TMEM17: variants seen among roughly 807,000 people sequenced by gnomAD.
TMEM17 encodes transmembrane protein 17.
A neutral mutation model predicts 19.1 loss-of-function variants in TMEM17; 15 were observed. That is an observed-to-expected ratio of 0.78 (90% CI 0.52 to 1.21). TMEM17 has a LOEUF of 1.21. Among genes scored for constraint, TMEM17 ranks in the 50% most tolerant of loss-of-function variants. TMEM17 has a pLI of 0.00. For synonymous variants in TMEM17, 103 were observed against 86.9 expected (o/e 1.19, Z -1.03); for missense variants, 245 against 242.3 (o/e 1.01, Z -0.07).
At chr2:62,473,221 A>G in the TMEM17 span, among the ~76,000 whole-genome samples, 1 of 152,312 alleles carries the variant, frequency 6.6e-6, no homozygotes, top group African/African-American at 2.4e-5. Flanking sequence ...AATACCAGTG[A>G]AGTAGGTACT....
the TMEM17 span, among the ~76,000 whole-genome samples, chr2:62,465,342 A>T: frequency 6.6e-6 from 1 of 152,238 alleles, no homozygotes; most frequent in Non-Finnish European, 1.5e-5. Flanking sequence ...GTATTGTACC[A>T]ATATTAATTT....
chr2:62,454,008 T>C, the TMEM17 span, among the ~76,000 whole-genome samples: 1 of 152,252 alleles, frequency 6.6e-6, no homozygotes, highest in African/African-American at 2.4e-5. Flanking sequence ...GTGCCAGGCA[T>C]GGGCCTGTTT....
the TMEM17 span, among the ~76,000 whole-genome samples, chr2:62,454,227 G>A: frequency 6.6e-6 from 1 of 152,220 alleles, no homozygotes; most frequent in Admixed American, 6.5e-5. Context: ...ATGGGATGAG[G>A]TGCAGGACCC....
chr2:62,477,053 G>T, the TMEM17 span, among the ~76,000 whole-genome samples: 1 of 152,142 alleles, frequency 6.6e-6, no homozygotes, highest in Admixed American at 6.5e-5. Flanking sequence ...TCAACATACG[G>T]TGTGTTATTG....
At chr2:62,475,803 TA>T in the TMEM17 span, among the ~76,000 whole-genome samples, 49 of 152,278 alleles carry the variant, frequency 3.2e-4, no homozygotes, top group East Asian at 9.3e-3. Flanking sequence ...AGCCACTGAT[TA>T]AATCAGGAAC....
At chr2:62,458,870 A>G in the TMEM17 span, among the ~76,000 whole-genome samples, 1 of 152,218 alleles carries the variant, frequency 6.6e-6, no homozygotes, top group African/African-American at 2.4e-5. Context: ...GTCCCTCGTG[A>G]TGCCAAGATG....
At position 62,501,463 on chromosome 2, in the gene TMEM17, G is replaced by C. The variant is rs1262816682; in HGVS notation, c.343C>G (p.Leu115Val). ...GGTAACTGCAATAGAAGGCTCAAAA[G>C]CCAAAAGCCAGCCAACTCAGGAACC... ...EKVPELAGFW[L>V]LSLLLQLPLI... Residue 115 changes from leucine (L) to valine (V), a missense_variant, in exon 4 of 4, where the codon CTT becomes GTT. Coordinates refer to ENST00000335390, the MANE Select transcript of TMEM17 (RefSeq NM_198276.3). 1.2e-6 allele frequency: 2 copies of C among 1,612,598 alleles called. No homozygotes were observed. The highest frequency in any genetic ancestry group is 1.7e-5 in the Admixed American group (1 of 59,748).
chr2:62,472,466 G>A, the TMEM17 span, among the ~76,000 whole-genome samples: 195 of 152,278 alleles, frequency 1.3e-3, no homozygotes, highest in African/African-American at 1.7e-3. Context: ...TCTGGCTGGC[G>A]TCTCCCCTGT....
intron 1 of TMEM17, among the ~76,000 whole-genome samples, chr2:62,504,855 A>G (rs1680022801): frequency 6.6e-6 from 1 of 152,238 alleles, no homozygotes; most frequent in Non-Finnish European, 1.5e-5. Context: ...ATTGGAACAC[A>G]GCCCTGCCTA....
the TMEM17 span, among the ~76,000 whole-genome samples, chr2:62,485,868 C>T: frequency 1.3e-5 from 2 of 152,196 alleles, no homozygotes; most frequent in Non-Finnish European, 2.9e-5. Flanking sequence ...ATCCTAGTCC[C>T]TCCACCCTCT....
downstream of TMEM17, among the ~76,000 whole-genome samples, chr2:62,499,406 T>A (rs1358567649): frequency 3.9e-5 from 6 of 152,204 alleles, no homozygotes; most frequent in Non-Finnish European, 8.8e-5. Flanking sequence ...GGGAAACAAA[T>A]GCAAACAAAT....
At chr2:62,499,447 T>C (rs1323106987), downstream of TMEM17, among the ~76,000 whole-genome samples, 1 of 152,234 alleles carries the variant, frequency 6.6e-6, no homozygotes, top group Non-Finnish European at 1.5e-5. Flanking sequence ...AACAGAATTC[T>C]ATTTTAAATT....
downstream of TMEM17, among the ~76,000 whole-genome samples, chr2:62,499,773 C>T (rs897271956): frequency 6.6e-6 from 1 of 152,122 alleles, no homozygotes; most frequent in Non-Finnish European, 1.5e-5. Flanking sequence ...ATTATGAAGG[C>T]CCATTTCCCT....
intron 1 of TMEM17, among the ~76,000 whole-genome samples, chr2:62,504,976 C>T (rs541592678): frequency 2.0e-5 from 3 of 152,186 alleles, no homozygotes; most frequent in South Asian, 4.2e-4. Context: ...TATTATCAGA[C>T]GTTAGTGCTC....
At chr2:62,483,599 A>ATT in the TMEM17 span, among the ~76,000 whole-genome samples, 1,826 of 134,248 alleles carry the variant, frequency 0.014, 18 homozygotes, top group Middle Eastern at 0.051. Context: ...CCCAGGATAC[A>ATT]TTTTTTTTTT....
chr2:62,454,297 G>A, the TMEM17 span, among the ~76,000 whole-genome samples: 2 of 152,166 alleles, frequency 1.3e-5, no homozygotes, highest in Non-Finnish European at 2.9e-5. Flanking sequence ...GGGAGGAGCA[G>A]ATTCCATGCC....
downstream of TMEM17, among the ~76,000 whole-genome samples, chr2:62,495,699 A>T (rs947042531): frequency 3.3e-5 from 5 of 152,312 alleles, no homozygotes; most frequent in East Asian, 9.6e-4. Flanking sequence ...CTACTTTGCT[A>T]TGCAAAAGCT....
At chr2:62,460,750 C>T in the TMEM17 span, among the ~76,000 whole-genome samples, 2 of 152,276 alleles carry the variant, frequency 1.3e-5, no homozygotes, top group East Asian at 3.9e-4. Flanking sequence ...ATATGGGCTG[C>T]ACATGTCCCC....
the TMEM17 span, among the ~76,000 whole-genome samples, chr2:62,460,641 ATAAACT>A: frequency 6.6e-6 from 1 of 152,234 alleles, no homozygotes; most frequent in Non-Finnish European, 1.5e-5. Context: ...AGGCTATCAG[ATAAACT>A]TAAGAACAGG....
Sources: allele counts gnomAD v4.1 joint callset (sites outside exome capture counted in the v4.1 genomes callset), GRCh38; gene constraint gnomAD v4.1.1; transcripts MANE v1.5; gene names NCBI Gene and HGNC (gene_info 2026-07-23, HGNC 2026-07-21).